The following DST variants were observed in gnomAD, a reference collection of about 807,000 sequenced individuals.
DST encodes the protein dystonin, also known as bullous pemphigoid antigen.
DST carries 253 observed loss-of-function variants against 875.2 expected under a neutral mutation model. The observed-to-expected ratio is 0.29, with a 90% CI of 0.26 to 0.32. DST has a LOEUF of 0.32. Among genes scored for constraint, DST ranks in the 10% least tolerant of loss-of-function variants. The probability of loss-of-function intolerance (pLI) is 1.00; values close to 1 mark genes in which losing one functional copy is unlikely to be tolerated. For missense variants in DST, 8,287 were observed against 9,111.6 expected (o/e 0.91, Z 3.68); for synonymous variants, 3,124 against 3,197.1 (o/e 0.98, Z 0.77).
At chr6:56,676,714 A>C (rs2099132160) in intron 9 of DST, among the ~76,000 whole-genome samples, 1 of 152,140 alleles carries the variant, frequency 6.6e-6, no homozygotes, top group African/African-American at 2.4e-5. Context: ...AAAAAGGAGG[A>C]AATGTAGTTA....
At chr6:56,482,648 C>G in intron 89 of DST, 35 bp downstream of exon 89, 1 of 1,585,026 alleles carries the variant, frequency 6.3e-7, no homozygotes, top group Non-Finnish European at 8.6e-7. Context: ...AATACTTTTC[C>G]CATTACACCC....
At chr6:56,670,133 CGTGTGTGT>C (rs70989723) in intron 10 of DST, among the ~76,000 whole-genome samples, 2,080 of 146,262 alleles carry the variant, frequency 0.014, 35 homozygotes, top group African/African-American at 0.042. Context: ...AGCGCCCGTG[CGTGTGTGT>C]GTGTGTGTGT....
intron 61 of DST, among the ~76,000 whole-genome samples, chr6:56,539,047 C>T (rs2097071558): frequency 6.6e-6 from 1 of 152,086 alleles, no homozygotes; most frequent in Non-Finnish European, 1.5e-5. Context: ...ACAAAAACTG[C>T]TACCTTTTAA....
At chr6:56,630,415 T>A in intron 30 of DST, 32 bp from the exon 31 acceptor site, 1 of 1,596,276 alleles carries the variant, frequency 6.3e-7, no homozygotes, top group South Asian at 1.1e-5. Context: ...TAGCCACCTA[T>A]GGTTAAATGT....
rs780814895 is a variant in DST, at chr6:56,605,166, A to C, written c.9462T>G (p.Thr3154=). 2 of 1,612,410 alleles carry C rather than the reference A, an allele frequency of 1.2e-6. 1 individual carries two copies. The highest frequency in any genetic ancestry group is 2.2e-5 in the South Asian group (2 of 90,974). ...TCCCTTCCCACGATGTAATGTCTGA[A>C]GTAATGTCATCACTAATCTCTTTGG... ...SVSKEISDDI[T]SDITSWEGNT... The change falls in exon 40 of 104, where the codon ACT becomes ACG. Residue 3154 remains threonine, a synonymous_variant. Coordinates refer to ENST00000680361, the MANE Select transcript of DST (RefSeq NM_001374736.1).
chr6:56,896,747 T>C (rs951688688), intron 3 of DST, among the ~76,000 whole-genome samples: 45 of 152,374 alleles, frequency 3.0e-4, no homozygotes, highest in African/African-American at 1.1e-3. Flanking sequence ...CTGTTGGCCA[T>C]TTGTATATCA....
At position 56,811,832 on chromosome 6, in the gene DST, C is replaced by T. The variant is rs139354004; in HGVS notation, c.625+39565G>A. On this transcript the variant is annotated intron_variant, in intron 4 of 103. Transcript: ENST00000680361. ...AAAGCAGGCCAGGCACAGTGGTTCA[C>T]ACCTGTAATCCCAGCACTTTGGGAG... Among the ~76,000 whole-genome samples the T allele has an allele frequency of 3.4e-3, 512 of 152,134 alleles. 3 individuals carry two copies. The highest frequency in any genetic ancestry group is 0.012 in the African/African-American group (497 of 41,506).
At position 56,727,386 on chromosome 6, in the gene DST, T is replaced by C. The variant is rs569139844; in HGVS notation, c.687+7842A>G. Among the ~76,000 whole-genome samples the C allele has an allele frequency of 4.6e-5, 7 of 152,286 alleles. No homozygotes were observed. In the South Asian group the frequency reaches 1.2e-3, roughly 27 times the overall value. ...ATGTCATGGGCACACATCCTCAACC[T>C]TGGAAAAACAAACATTCTAAATTAA... is the stretch of plus-strand genomic sequence containing the variant. On this transcript the variant is annotated intron_variant, in intron 5 of 103. Transcript: ENST00000680361.
chr6:56,554,067 C>T (rs1584794811), intron 60 of DST, among the ~76,000 whole-genome samples: 1 of 122,426 alleles, frequency 8.2e-6, no homozygotes, highest in African/African-American at 3.1e-5. Flanking sequence ...TTTTTCGCGT[C>T]TATGACTTTT....
At chr6:56,792,257 G>C (rs983036794) in intron 4 of DST, among the ~76,000 whole-genome samples, 4 of 151,824 alleles carry the variant, frequency 2.6e-5, no homozygotes, top group Admixed American at 1.3e-4. Context: ...AAGAAAGCCA[G>C]CTAATAAACA....
intron 4 of DST, among the ~76,000 whole-genome samples, chr6:56,837,169 A>G (rs2099794788): frequency 6.6e-6 from 1 of 152,184 alleles, no homozygotes; most frequent in African/African-American, 2.4e-5. Context: ...CAAGCAAAAT[A>G]GCTTTCGTTC....
In DST at chr6:56,771,590, T is replaced by C. The variant is rs564647457; in HGVS notation, c.626-36301A>G. On this transcript the variant is annotated intron_variant, in intron 4 of 103. Transcript: ENST00000680361. ...TATATATTTTATTATTGACTATTTA[T>C]GGACAAGATGTTGAGGCTCCATTTT... Among the ~76,000 whole-genome samples the C allele has an allele frequency of 3.3e-5, 5 of 152,348 alleles. No homozygotes were observed. In the South Asian group the frequency reaches 1.0e-3, roughly 32 times the overall value.
intron 95 of DST, among the ~76,000 whole-genome samples, chr6:56,470,631 T>C (rs1330628129): frequency 6.6e-6 from 1 of 152,070 alleles, no homozygotes; most frequent in Non-Finnish European, 1.5e-5. Flanking sequence ...CACATACAAA[T>C]GATTGGGCCA....
At chr6:56,563,702 T>C (rs2097584896) in intron 55 of DST, among the ~76,000 whole-genome samples, 1 of 152,256 alleles carries the variant, frequency 6.6e-6, no homozygotes, top group African/African-American at 2.4e-5. Context: ...CTAGGATTTT[T>C]ATGGTTTTAG....
intron 86 of DST, among the ~76,000 whole-genome samples, chr6:56,488,660 C>T (rs1015963811): frequency 6.6e-6 from 1 of 152,138 alleles, no homozygotes; most frequent in African/African-American, 2.4e-5. Flanking sequence ...AATTTTATAT[C>T]ACCCCAATTT....
At chr6:56,839,706 T>A (rs1324492027) in intron 4 of DST, among the ~76,000 whole-genome samples, 3 of 152,178 alleles carry the variant, frequency 2.0e-5, no homozygotes, top group African/African-American at 7.2e-5. Flanking sequence ...CACCTATCAA[T>A]AAAGGCAATA....
At chr6:56,463,502 T>C in intron 101 of DST, 63 bp downstream of exon 101, 1 of 1,420,240 alleles carries the variant, frequency 7.0e-7, no homozygotes, top group East Asian at 2.3e-5. Context: ...AATAGAACAT[T>C]CAAAAGTCTA....
intron 32 of DST, among the ~76,000 whole-genome samples, chr6:56,628,667 A>T (rs1380231898): frequency 6.6e-6 from 1 of 152,218 alleles, no homozygotes; most frequent in East Asian, 1.9e-4. Flanking sequence ...ACATATTTGA[A>T]CATAATTTTA....
At chr6:56,802,175 C>A (rs1476977670) in intron 4 of DST, among the ~76,000 whole-genome samples, 1 of 152,002 alleles carries the variant, frequency 6.6e-6, no homozygotes, top group African/African-American at 2.4e-5. Context: ...ATAATCTGAG[C>A]ATTATTAGCA....
Sources: allele counts gnomAD v4.1 joint callset (sites outside exome capture counted in the v4.1 genomes callset), GRCh38; gene constraint gnomAD v4.1.1; transcripts MANE v1.5; gene names NCBI Gene and HGNC (gene_info 2026-07-23, HGNC 2026-07-21).